The following ST6GAL1 variants were observed in gnomAD, a reference collection of about 807,000 sequenced individuals.
ST6GAL1 encodes ST6 beta-galactoside alpha-2,6-sialyltransferase 1, also known as beta-galactoside alpha-2,6-sialyltransferase 1.
In ST6GAL1, 20 loss-of-function variants were observed where a neutral mutation model predicts 38.0. The observed-to-expected ratio is 0.53, with a 90% CI of 0.37 to 0.77. The LOEUF (loss-of-function observed/expected upper bound fraction) is 0.77, where lower values mean the gene tolerates loss of function less well. Among genes scored for constraint, ST6GAL1 ranks in the 30% least tolerant of loss-of-function variants. The pLI is 0.00. For synonymous variants in ST6GAL1, 196 were observed against 188.2 expected (o/e 1.04, Z -0.34); for missense variants, 432 against 496.4 (o/e 0.87, Z 1.23).
chr3:186,958,152 A>G (rs531334575), intron 1 of ST6GAL1, among the ~76,000 whole-genome samples: 87 of 152,296 alleles, frequency 5.7e-4, no homozygotes, highest in Admixed American at 8.5e-4. Context: ...TGACAAGTAC[A>G]TAGAAAGTTA....
At chr3:187,023,287 A>T (rs1386474052) in intron 2 of ST6GAL1, among the ~76,000 whole-genome samples, 1 of 152,140 alleles carries the variant, frequency 6.6e-6, no homozygotes, top group Non-Finnish European at 1.5e-5. Flanking sequence ...TCCCTACTCT[A>T]ATTGTCTGCA....
intron 2 of ST6GAL1, chr3:186,986,336 A>G (rs1715919930): frequency 6.6e-6 from 1 of 152,226 alleles, no homozygotes; most frequent in South Asian, 2.1e-4. Context: ...GGCCTCTATC[A>G]TGCCTGGCAC....
intron 2 of ST6GAL1, among the ~76,000 whole-genome samples, chr3:186,977,747 CAT>C (rs1215593571): frequency 2.6e-5 from 4 of 152,102 alleles, no homozygotes; most frequent in African/African-American, 9.7e-5. Flanking sequence ...GATTTTATCA[CAT>C]CATATAAAAG....
chr3:186,982,873 G>A (rs1715742094), intron 2 of ST6GAL1, among the ~76,000 whole-genome samples: 1 of 119,614 alleles, frequency 8.4e-6, no homozygotes, highest in African/African-American at 3.3e-5. Context: ...GTAGAGACGG[G>A]GTTTCACCAT....
intron 2 of ST6GAL1, chr3:187,006,476 A>G (rs1225287212): frequency 6.6e-6 from 1 of 152,224 alleles, no homozygotes; most frequent in African/African-American, 2.4e-5. Context: ...TTTTCCCTGC[A>G]TAGGGTTCTC....
At chr3:187,030,526 C>T (rs1015191468) in intron 2 of ST6GAL1, among the ~76,000 whole-genome samples, 7 of 152,284 alleles carry the variant, frequency 4.6e-5, no homozygotes, top group Non-Finnish European at 8.8e-5. Flanking sequence ...CTCCGCCTCC[C>T]GGATTCAAGC....
At chr3:187,002,903 T>G (rs1716667140) in intron 2 of ST6GAL1, among the ~76,000 whole-genome samples, 1 of 152,206 alleles carries the variant, frequency 6.6e-6, no homozygotes, top group Non-Finnish European at 1.5e-5. Context: ...AAGAAGCAAG[T>G]TTAATTAAAG....
chr3:186,974,724 GT>G (rs1008662151), intron 2 of ST6GAL1, among the ~76,000 whole-genome samples: 8 of 92,866 alleles, frequency 8.6e-5, no homozygotes, highest in South Asian at 4.0e-4. Flanking sequence ...TGAGAGCCTG[GT>G]TGGGGGGGGG....
intron 1 of ST6GAL1, among the ~76,000 whole-genome samples, chr3:186,931,560 G>A (rs1338509558): frequency 2.0e-5 from 3 of 152,230 alleles, no homozygotes; most frequent in African/African-American, 7.2e-5. Flanking sequence ...GTCTCTTAGA[G>A]ATGTGGGTTG....
chr3:186,943,050 G>A (rs1046505881), intron 1 of ST6GAL1, among the ~76,000 whole-genome samples: 2 of 152,172 alleles, frequency 1.3e-5, no homozygotes, highest in African/African-American at 4.8e-5. Context: ...CCCATAGTCT[G>A]TTGCTTCCAG....
At chr3:186,943,181 A>T (rs1037213335) in intron 1 of ST6GAL1, among the ~76,000 whole-genome samples, 17 of 152,244 alleles carry the variant, frequency 1.1e-4, no homozygotes, top group Non-Finnish European at 1.5e-5. Flanking sequence ...TTTCTGGAAG[A>T]GGCAACACAC....
At chr3:187,000,956 G>A (rs893592407) in intron 2 of ST6GAL1, among the ~76,000 whole-genome samples, 1 of 152,210 alleles carries the variant, frequency 6.6e-6, no homozygotes, top group African/African-American at 2.4e-5. Flanking sequence ...TACTTCCCCA[G>A]ATGCTTTTTA....
intron 2 of ST6GAL1, among the ~76,000 whole-genome samples, chr3:187,022,435 A>T (rs1717357969): frequency 6.6e-6 from 1 of 152,172 alleles, no homozygotes; most frequent in African/African-American, 2.4e-5. Flanking sequence ...AGCTAACAGT[A>T]GCTGAGAGAG....
chr3:186,965,540 A>G (rs922272327), intron 2 of ST6GAL1, among the ~76,000 whole-genome samples: 2 of 152,206 alleles, frequency 1.3e-5, no homozygotes, highest in Non-Finnish European at 2.9e-5. Context: ...TCAGAAAATT[A>G]TAAAGGTGGT....
intron 6 of ST6GAL1, chr3:187,073,342 C>A: frequency 5.7e-6 from 1 of 176,404 alleles, no homozygotes; most frequent in South Asian, 1.4e-4. Context: ...CAGAATTCTT[C>A]CCATTTCACT....
chr3:187,051,221 C>G (rs1368430301), intron 4 of ST6GAL1, 28 bp from the exon 5 acceptor site: 1 of 1,605,612 alleles, frequency 6.2e-7, no homozygotes, highest in East Asian at 2.2e-5. Flanking sequence ...TGCTCATCAC[C>G]TCTTTTCTGT....
In ST6GAL1 at chr3:187,054,559, T is replaced by G. The variant is rs371275116; in HGVS notation, c.705+3213T>G. On this transcript the variant is annotated intron_variant, in intron 5 of 7. Transcript: ENST00000169298. ...TTTTCTGCATCTATTGAGATAATCA[T>G]GTGGTTTTTGTCATTGTTCTGTTTA... 1.0e-3 allele frequency among the ~76,000 whole-genome samples: 159 copies of G among 152,328 alleles called. 5 individuals are homozygous for G. The South Asian group carries it at 0.031, about 29-fold the overall frequency.
chr3:186,945,239 G>A (rs1202357336), intron 1 of ST6GAL1, among the ~76,000 whole-genome samples: 1 of 151,906 alleles, frequency 6.6e-6, no homozygotes, highest in African/African-American at 2.4e-5. Context: ...CCAGGAGCTC[G>A]GGGCTGCAGT....
chr3:186,943,246 A>G (rs954686754), intron 1 of ST6GAL1, among the ~76,000 whole-genome samples: 2 of 152,154 alleles, frequency 1.3e-5, no homozygotes, highest in African/African-American at 4.8e-5. Context: ...AGCATTTTTG[A>G]GGCAGGGGAA....
Sources: allele counts gnomAD v4.1 joint callset (sites outside exome capture counted in the v4.1 genomes callset), GRCh38; gene constraint gnomAD v4.1.1; transcripts MANE v1.5; gene names NCBI Gene and HGNC (gene_info 2026-07-23, HGNC 2026-07-21).